TJP1: variants seen among roughly 807,000 people sequenced by gnomAD.
TJP1 encodes tight junction protein ZO-1.
Under a neutral mutation model 194.2 loss-of-function variants are expected in TJP1, and 43 were observed. The ratio of observed to expected loss-of-function variants is 0.22; its 90% CI spans 0.17 to 0.29. TJP1 has a LOEUF of 0.29. Among genes scored for constraint, TJP1 ranks in the 10% least tolerant of loss-of-function variants. The pLI is 1.00. For missense variants in TJP1, 1,971 were observed against 2,185.7 expected (o/e 0.90, Z 1.96); for synonymous variants, 801 against 779.0 (o/e 1.03, Z -0.47).
intron 8 of TJP1, among the ~76,000 whole-genome samples, chr15:29,754,105 T>C (rs2045485379): frequency 1.3e-5 from 2 of 152,166 alleles, no homozygotes; most frequent in South Asian, 4.1e-4. Flanking sequence ...CTATTCACAA[T>C]AGCAAAGACA....
chr15:29,814,273 A>G (rs1378703112), intron 1 of TJP1, among the ~76,000 whole-genome samples: 1 of 152,246 alleles, frequency 6.6e-6, no homozygotes, highest in African/African-American at 2.4e-5. Flanking sequence ...CGTATTTTTA[A>G]GAGTAAACAA....
At chr15:29,744,933 C>T (rs1266014544) in intron 8 of TJP1, among the ~76,000 whole-genome samples, 1 of 151,944 alleles carries the variant, frequency 6.6e-6, no homozygotes, top group African/African-American at 2.4e-5. Context: ...TAGGAGAATA[C>T]AGTAGTGTAT....
intron 27 of TJP1, among the ~76,000 whole-genome samples, chr15:29,703,267 T>C (rs1566844437): frequency 6.6e-6 from 1 of 151,996 alleles, no homozygotes; most frequent in East Asian, 1.9e-4. Context: ...CTGGCCAACA[T>C]GGTGAAACCC....
intron 2 of TJP1, among the ~76,000 whole-genome samples, chr15:29,933,409 G>A (rs1222039159): frequency 6.6e-6 from 1 of 152,168 alleles, no homozygotes; most frequent in Non-Finnish European, 1.5e-5. Flanking sequence ...CTTGAAAAAA[G>A]AGAAAGTACA....
At chr15:29,797,030 T>G (rs2048457868) in intron 2 of TJP1, among the ~76,000 whole-genome samples, 1 of 152,190 alleles carries the variant, frequency 6.6e-6, no homozygotes, top group African/African-American at 2.4e-5. Context: ...ATAAAACTTT[T>G]AAAGGAAAAC....
rs1421668437 is a variant in TJP1, at chr15:29,850,736, C to CT, written c.307-50035dup. On this transcript the variant is annotated intron_variant, in intron 2 of 28. Coordinates refer to the TJP1 transcript ENST00000356107. The stretch of plus-strand genomic sequence containing the variant: ...GTGGCTCACACCTGCAATCCCAGCA[C>CT]TTTGGGAGGCTGAGGTGGGCAGATT... 2.6e-5 allele frequency among the ~76,000 whole-genome samples: 4 copies of CT among 152,028 alleles called. No individual in the cohort carries two copies. The East Asian group carries it at 7.8e-4, about 30-fold the overall frequency.
At chr15:29,817,789 A>T (rs189693064) in intron 1 of TJP1, among the ~76,000 whole-genome samples, 143 of 152,314 alleles carry the variant, frequency 9.4e-4, no homozygotes, top group African/African-American at 3.3e-3. Context: ...AACAATGAGA[A>T]CACATGGACA....
chr15:29,702,350 TGTTA>T (rs1201095584), intron 27 of TJP1, among the ~76,000 whole-genome samples: 2 of 152,008 alleles, frequency 1.3e-5, no homozygotes, highest in African/African-American at 4.8e-5. Context: ...ATTGACTGGG[TGTTA>T]GTTAGGTCTC....
At chr15:29,712,940 C>CT (rs1263368043) in intron 23 of TJP1, among the ~76,000 whole-genome samples, 1 of 152,120 alleles carries the variant, frequency 6.6e-6, no homozygotes, top group Non-Finnish European at 1.5e-5. Context: ...ATATGCCTGG[C>CT]TTGAAACCTG....
intron 2 of TJP1, among the ~76,000 whole-genome samples, chr15:29,944,238 G>A (rs1019320417): frequency 2.6e-5 from 4 of 151,650 alleles, no homozygotes; most frequent in South Asian, 2.1e-4. Flanking sequence ...GATTACAGGC[G>A]CCCGCCACCA....
intron 2 of TJP1, among the ~76,000 whole-genome samples, chr15:29,838,292 G>A (rs561066832): frequency 1.3e-4 from 20 of 152,250 alleles, no homozygotes; most frequent in African/African-American, 4.8e-4. Flanking sequence ...AGGTGTGGTG[G>A]TGCACATCTA....
intron 8 of TJP1, among the ~76,000 whole-genome samples, chr15:29,747,050 C>A (rs1449071257): frequency 6.6e-6 from 1 of 152,070 alleles, no homozygotes; most frequent in Non-Finnish European, 1.5e-5. Context: ...TTTGGGAGGC[C>A]GAGGTCGGTG....
rs1163375200 is a variant in TJP1 at position 29,718,418 on chromosome 15, T to C, written c.3724A>G (p.Lys1242Glu). The C allele has an allele frequency of 6.2e-7, 1 of 1,614,032 alleles. No individual in the cohort carries two copies. Among genetic ancestry groups the C allele is most frequent in the East Asian group, 2.2e-5 (1 of 44,894 alleles). Reference protein sequence around the residue: ...HKPEALPSNTKPLPPPPTQTE... With the variant: ...HKPEALPSNTEPLPPPPTQTE... ...TGAGTTGGGGGTGGAGGCAGTGGTT[T>C]GGTGTTTGAAGGCAGAGCTTCTGGC... Residue 1242 changes from lysine (K) to glutamate (E), a missense_variant, in exon 21 of 28, where the codon AAA becomes GAA. Physicochemically the swap from Lys to Glu is moderately conservative, Grantham distance 56. Coordinates refer to ENST00000614355, the MANE Select transcript of TJP1 (RefSeq NM_001330239.4).
intron 2 of TJP1, among the ~76,000 whole-genome samples, chr15:29,946,680 C>T (rs1247272344): frequency 6.6e-6 from 1 of 152,248 alleles, no homozygotes; most frequent in Non-Finnish European, 1.5e-5. Flanking sequence ...GTGCCCCTTT[C>T]ATGGCCTAAC....
intron 2 of TJP1, among the ~76,000 whole-genome samples, chr15:29,793,758 G>A (rs1189347034): frequency 1.3e-5 from 2 of 152,132 alleles, no homozygotes; most frequent in South Asian, 2.1e-4. Context: ...CTCCAACACT[G>A]GGGATTACAA....
intron 2 of TJP1, among the ~76,000 whole-genome samples, chr15:29,927,001 G>A (rs58511271): frequency 0.048 from 7,343 of 152,182 alleles, 498 homozygotes; most frequent in African/African-American, 0.15. Flanking sequence ...TCTACAATGA[G>A]TACATTTGAA....
intron 2 of TJP1, among the ~76,000 whole-genome samples, chr15:29,891,176 G>C (rs1023200605): frequency 5.9e-5 from 9 of 152,212 alleles, no homozygotes; most frequent in African/African-American, 2.2e-4. Context: ...TGGATGTGAG[G>C]TGGCCTTCCA....
At chr15:29,818,010 TAAAA>T (rs879780459) in intron 1 of TJP1, among the ~76,000 whole-genome samples, 76 of 141,126 alleles carry the variant, frequency 5.4e-4, no homozygotes, top group African/African-American at 1.7e-3. Context: ...AGAACTTAAT[TAAAA>T]AAAAAAAAGC....
intron 1 of TJP1, among the ~76,000 whole-genome samples, chr15:29,813,049 C>A (rs1043116131): frequency 2.0e-5 from 3 of 151,950 alleles, no homozygotes; most frequent in Non-Finnish European, 2.9e-5. Flanking sequence ...TATGACATTA[C>A]CAGGAAAAAC....
Sources: allele counts gnomAD v4.1 joint callset (sites outside exome capture counted in the v4.1 genomes callset), GRCh38; gene constraint gnomAD v4.1.1; transcripts MANE v1.5; gene names NCBI Gene and HGNC (gene_info 2026-07-23, HGNC 2026-07-21).